Variants in ZNF608 observed in about 807,000 individuals in gnomAD.
ZNF608 encodes renal carcinoma antigen NY-REN-36.
Under a neutral mutation model 109.0 loss-of-function variants are expected in ZNF608, and 12 were observed. The ratio of observed to expected loss-of-function variants is 0.11; its 90% CI spans 0.07 to 0.18. The LOEUF (loss-of-function observed/expected upper bound fraction) is 0.18. Ranked by LOEUF, ZNF608 falls within the 10% of genes least tolerant of loss-of-function variation. ZNF608 has a pLI of 1.00. For missense variants in ZNF608, 1,707 were observed against 1,879.3 expected, an observed-to-expected ratio of 0.91 and a Z score of 1.70; for synonymous variants, 732 against 717.4, an observed-to-expected ratio of 1.02 and a Z score of -0.33.
rs1192856582 is a variant in ZNF608, at chr5:124,709,032, C to T, written c.907-7763G>A. Among the ~76,000 whole-genome samples the T allele has an allele frequency of 4.0e-5, 6 of 151,796 alleles. No individual in the cohort carries two copies. The South Asian group carries it at 6.2e-4, about 16-fold the overall frequency. On this transcript the variant is annotated intron_variant, in intron 2 of 9. Transcript: ENST00000513986. ...ACTAAAAATACAAAAATTAGCTGGG[C>T]GTGGTAGCGGCTCCTGTAATCCCAG...
intron 1 of ZNF608, 48 bp downstream of exon 1, chr5:124,746,147 A>G (rs1360843566): frequency 1.0e-6 from 1 of 985,192 alleles, no homozygotes; most frequent in Admixed American, 6.2e-5. Context: ...GAAAAAAATA[A>G]ATAAATATAC....
At chr5:124,718,764 TG>T (rs1753798957) in intron 2 of ZNF608, among the ~76,000 whole-genome samples, 1 of 152,138 alleles carries the variant, frequency 6.6e-6, no homozygotes, top group African/African-American at 2.4e-5. Flanking sequence ...TCTTGGAAAA[TG>T]TTTTTCACTA....
intron 3 of ZNF608, among the ~76,000 whole-genome samples, chr5:124,658,164 C>T (rs754293057): frequency 7.9e-5 from 12 of 151,990 alleles, no homozygotes; most frequent in South Asian, 4.1e-4. Context: ...GAAGACAAGT[C>T]CCCTGAGCTT....
chr5:124,711,749 T>C (rs1243887807), intron 2 of ZNF608, among the ~76,000 whole-genome samples: 5 of 152,144 alleles, frequency 3.3e-5, no homozygotes, highest in African/African-American at 9.7e-5. Context: ...GCCCAGGGCA[T>C]TGTGGGAGCA....
intron 3 of ZNF608, among the ~76,000 whole-genome samples, chr5:124,674,804 A>G (rs1751870546): frequency 6.6e-6 from 1 of 152,080 alleles, no homozygotes; most frequent in South Asian, 2.1e-4. Context: ...TTGTAGAGAT[A>G]GGATCTTACT....
intron 1 of ZNF608, 90 bp from the exon 2 acceptor site, chr5:124,745,262 C>G (rs538235993): frequency 1.2e-5 from 14 of 1,187,428 alleles, no homozygotes; most frequent in African/African-American, 3.1e-5. Flanking sequence ...GTAAAGGGGA[C>G]AGGGAAGGAT....
intron 3 of ZNF608, among the ~76,000 whole-genome samples, chr5:124,672,412 C>T (rs1341742711): frequency 1.3e-5 from 2 of 152,230 alleles, no homozygotes; most frequent in African/African-American, 2.4e-5. Context: ...AACTAATAAA[C>T]TAATCTAACT....
intron 2 of ZNF608, among the ~76,000 whole-genome samples, chr5:124,727,621 T>C (rs929082082): frequency 8.6e-6 from 1 of 115,832 alleles, no homozygotes; most frequent in Admixed American, 1.0e-4. Flanking sequence ...ACTTCTTAGT[T>C]ATAAAAGTCC....
chr5:124,677,949 C>T (rs970237145), intron 3 of ZNF608, among the ~76,000 whole-genome samples: 2 of 152,206 alleles, frequency 1.3e-5, no homozygotes. Context: ...AACCCAAAGG[C>T]GTTCTCATCC....
chr5:124,734,587 C>T (rs1284334454), intron 2 of ZNF608: 1 of 152,142 alleles, frequency 6.6e-6, no homozygotes, highest in African/African-American at 2.4e-5. Context: ...ACCACCCCAG[C>T]CGCTCGCTGA....
At chr5:124,662,586 C>T (rs1751307769) in intron 3 of ZNF608, among the ~76,000 whole-genome samples, 1 of 152,196 alleles carries the variant, frequency 6.6e-6, no homozygotes, top group African/African-American at 2.4e-5. Context: ...GGGTTAAGTC[C>T]AAGGCTTTAG....
At chr5:124,644,761 T>A in intron 5 of ZNF608, 100 bp from the exon 6 acceptor site, 3 of 976,634 alleles carry the variant, frequency 3.1e-6, no homozygotes, top group Non-Finnish European at 4.4e-6. Flanking sequence ...CTAGCACTCT[T>A]AATTTTAATG....
intron 3 of ZNF608, among the ~76,000 whole-genome samples, chr5:124,656,116 G>A (rs1750993188): frequency 6.6e-6 from 1 of 152,096 alleles, no homozygotes; most frequent in East Asian, 1.9e-4. Context: ...AAACCATCTG[G>A]AACACAGTGC....
In ZNF608 at chr5:124,744,546, G is replaced by A. The variant is rs1749563910; in HGVS notation, c.444C>T (p.Gly148=). ...CACTTTGACCCAGCGCTGAATTCATGCCAGTTGCCTCTCCAGGGCGCCCTT... is the reference window on the plus strand; with the variant it reads ...CACTTTGACCCAGCGCTGAATTCATACCAGTTGCCTCTCCAGGGCGCCCTT... ...EVQGRPGEAT[G]MNSALGQSVS... The change falls in exon 2 of 10, where the codon GGC becomes GGT. Residue 148 remains glycine, a synonymous_variant. Coordinates refer to ENST00000513986, the MANE Select transcript of ZNF608 (RefSeq NM_020747.3). The surrounding 1 kb of genome is among the most constrained non-coding windows in gnomAD (Gnocchi z 4.5). 4 of 1,614,120 alleles carry A rather than the reference G, an allele frequency of 2.5e-6. No homozygotes were observed. Among genetic ancestry groups the A allele is most frequent in the African/African-American group, 1.3e-5 (1 of 74,938 alleles).
Position 124,648,712 on chromosome 5 carries a change from G to T in ZNF608, c.1672C>A (p.Pro558Thr). 6.2e-7 allele frequency: 1 copy of T among 1,614,180 alleles called. No individual in the cohort carries two copies. Among genetic ancestry groups the T allele is most frequent in the Non-Finnish European group, 8.5e-7 (1 of 1,180,038 alleles). ...TGCTTGTACTTTTTGTTGCAGTTTGGGTGGGGACAGTCGATTAACACTGGA... is the reference window on the plus strand; with the variant it reads ...TGCTTGTACTTTTTGTTGCAGTTTGTGTGGGGACAGTCGATTAACACTGGA... Reference protein sequence around the residue: ...SSPVLIDCPHPNCNKKYKHIN... With the variant: ...SSPVLIDCPHTNCNKKYKHIN... Residue 558 changes from proline to threonine, a missense_variant, in exon 5 of 10, where the codon CCA becomes ACA. This residue lies in a region of ZNF608 where 22 missense variants were observed against 52.2 expected (regional missense o/e 0.42). Transcript: ENST00000513986.
rs1348164485 is a variant in ZNF608 at position 124,700,994 on chromosome 5, T to A, written c.1162+20A>T. Reference sequence around the variant, plus strand: ...GGGGAAGAGGGCATCGGGAAATATATAAAAATAAATTGTATTTACCTTCTT... The same window carrying A: ...GGGGAAGAGGGCATCGGGAAATATAAAAAAATAAATTGTATTTACCTTCTT... On this transcript the variant is annotated intron_variant, in intron 3 of 9. Coordinates refer to ENST00000513986, the MANE Select transcript of ZNF608 (RefSeq NM_020747.3). 6.2e-7 allele frequency: 1 copy of A among 1,611,720 alleles called. No homozygotes were observed. Among genetic ancestry groups the A allele is most frequent in the Non-Finnish European group, 8.5e-7 (1 of 1,178,318 alleles).
rs977988450 is a variant in ZNF608, at chr5:124,744,267, C to G, written c.723G>C (p.Lys241Asn). The G allele has an allele frequency of 6.2e-7, 1 of 1,613,618 alleles. No individual in the cohort carries two copies. The highest frequency in any genetic ancestry group is 1.7e-5 in the Admixed American group (1 of 60,022). Reference protein sequence around the residue: ...SGGHLYGFGAKSNGGGASPFH... With the variant: ...SGGHLYGFGANSNGGGASPFH... ...AGGGGCTCGCGCCACCTCCATTGCTCTTGGCCCCAAAGCCATAGAGGTGCC... is the reference window on the plus strand; with the variant it reads ...AGGGGCTCGCGCCACCTCCATTGCTGTTGGCCCCAAAGCCATAGAGGTGCC... The change falls in exon 2 of 10, where the codon AAG becomes AAC. Residue 241 changes from lysine (K) to asparagine (N), a missense_variant. Coordinates refer to ENST00000513986, the MANE Select transcript of ZNF608 (RefSeq NM_020747.3). The surrounding 1 kb of genome is among the most constrained non-coding windows in gnomAD (Gnocchi z 4.5).
intron 2 of ZNF608, among the ~76,000 whole-genome samples, chr5:124,731,774 C>T (rs1051462233): frequency 2.6e-5 from 4 of 151,886 alleles, no homozygotes; most frequent in Non-Finnish European, 5.9e-5. Flanking sequence ...TGCAGCGAGC[C>T]GAGATCGTGC....
At chr5:124,695,191 T>C (rs1470262639) in intron 3 of ZNF608, among the ~76,000 whole-genome samples, 4 of 152,154 alleles carry the variant, frequency 2.6e-5, no homozygotes, top group Non-Finnish European at 5.9e-5. Flanking sequence ...GGTAACGAAA[T>C]ACAGACATCT....
Sources: gnomAD v4.1 joint callset for allele counts (sites outside exome capture counted in the v4.1 genomes callset) on GRCh38, gnomAD v4.1.1 for gene constraint, gnomAD v4.1.1 regional missense constraint, Gnocchi (gnomAD v3.1) non-coding constraint, MANE v1.5 for transcripts, NCBI Gene and HGNC (gene_info 2026-07-23, HGNC 2026-07-21) for gene names.